The following AFAP1 variants were observed in gnomAD, a reference collection of about 807,000 sequenced individuals.
AFAP1 encodes actin filament associated protein 1.
Under a neutral mutation model 93.9 loss-of-function variants are expected in AFAP1, and 75 were observed. The ratio of observed to expected loss-of-function variants is 0.80; its 90% CI spans 0.66 to 0.97. The LOEUF (loss-of-function observed/expected upper bound fraction) is 0.97, where lower values mean the gene tolerates loss of function less well. AFAP1 is among the 50% of genes least tolerant of loss of function. The pLI is 0.00. For synonymous variants in AFAP1, 517 were observed against 430.7 expected (o/e 1.20, Z -2.48); for missense variants, 1,201 against 1,050.8 (o/e 1.14, Z -1.98).
chr4:7,880,960 A>T (rs1577330512), intron 1 of AFAP1, among the ~76,000 whole-genome samples: 1 of 152,028 alleles, frequency 6.6e-6, no homozygotes, highest in South Asian at 2.1e-4. Context: ...TGTGCAAAAC[A>T]CCTATTGCTA....
chr4:7,879,699 CT>C (rs552211338), intron 1 of AFAP1, among the ~76,000 whole-genome samples: 1,521 of 121,666 alleles, frequency 0.013, 15 homozygotes, highest in African/African-American at 0.041. Flanking sequence ...TGCTTGCTTG[CT>C]TTTTTTTTTT....
chr4:7,782,362 C>T (rs1004723779), intron 12 of AFAP1, among the ~76,000 whole-genome samples: 8 of 152,216 alleles, frequency 5.3e-5, no homozygotes, highest in African/African-American at 1.9e-4. Context: ...TGGGAACTGT[C>T]AACACAAACC....
At chr4:7,869,343 A>C (rs1336601268) in intron 2 of AFAP1, among the ~76,000 whole-genome samples, 1 of 152,254 alleles carries the variant, frequency 6.6e-6, no homozygotes, top group African/African-American at 2.4e-5. Context: ...CTGCACCTCA[A>C]AGGGAAAGCT....
chr4:7,797,630 T>A (rs1181848785), intron 10 of AFAP1, among the ~76,000 whole-genome samples: 1 of 152,186 alleles, frequency 6.6e-6, no homozygotes, highest in Non-Finnish European at 1.5e-5. Context: ...GGCAGCGGAC[T>A]ACAACACACA....
intron 6 of AFAP1, among the ~76,000 whole-genome samples, chr4:7,822,226 G>A (rs983089781): frequency 2.3e-4 from 35 of 152,188 alleles, no homozygotes; most frequent in African/African-American, 8.4e-4. Flanking sequence ...ACCCCAGGTG[G>A]ACCACTTGCT....
chr4:7,916,888 T>G (rs1471200715), intron 1 of AFAP1, among the ~76,000 whole-genome samples: 5 of 152,308 alleles, frequency 3.3e-5, no homozygotes, highest in African/African-American at 1.2e-4. Context: ...TCTAGCCCAG[T>G]GCATTTTCAG....
intron 15 of AFAP1, chr4:7,773,681 C>T (rs1429107873): frequency 6.6e-6 from 1 of 152,508 alleles, no homozygotes; most frequent in East Asian, 1.9e-4. Context: ...GGGAGAAATG[C>T]TACTTCTGTC....
intron 1 of AFAP1, among the ~76,000 whole-genome samples, chr4:7,894,486 A>G (rs28500712): frequency 0.71 from 107,783 of 152,072 alleles, 38,418 homozygotes; most frequent in Non-Finnish European, 0.74. Context: ...AGAGACGTAC[A>G]TGTCAAGACA....
In AFAP1 at chr4:7,800,397, C is replaced by T. The variant is rs372135063; in HGVS notation, c.1266+45G>A. 2.3e-4 allele frequency: 364 copies of T among 1,591,814 alleles called. 3 individuals carry two copies. In the South Asian group the frequency reaches 3.5e-3, roughly 15 times the overall value. ...ATTCGCCTTTTGAAAGGAAGATCAC[C>T]GCGTGTGTCCCTCTGTGGAGTACAG... On this transcript the variant is annotated intron_variant, in intron 10 of 17. Coordinates refer to ENST00000420658, the MANE Select transcript of AFAP1 (RefSeq NM_001134647.2).
At chr4:7,883,810 A>G (rs1717988437) in intron 1 of AFAP1, among the ~76,000 whole-genome samples, 1 of 152,374 alleles carries the variant, frequency 6.6e-6, no homozygotes, top group East Asian at 1.9e-4. Flanking sequence ...AAGATGAAGA[A>G]GTAAATGTGA....
At chr4:7,891,391 G>C (rs182610545) in intron 1 of AFAP1, among the ~76,000 whole-genome samples, 1 of 152,224 alleles carries the variant, frequency 6.6e-6, no homozygotes, top group Admixed American at 6.5e-5. Flanking sequence ...CCAAGGACCA[G>C]AGAGAAAACC....
intron 15 of AFAP1, chr4:7,773,836 A>G (rs1414699564): frequency 6.6e-6 from 1 of 152,534 alleles, no homozygotes; most frequent in Non-Finnish European, 1.5e-5. Flanking sequence ...CTAAACTCCA[A>G]AAGCATTTCC....
chr4:7,912,288 T>G lies in AFAP1; in HGVS notation c.-3+27368A>C, dbSNP rs115802655. Among the ~76,000 whole-genome samples, 752 of 152,356 alleles carry G rather than the reference T, an allele frequency of 4.9e-3. 4 individuals carry two copies. Among genetic ancestry groups the G allele is most frequent in the African/African-American group, 0.016 (652 of 41,576 alleles). Reference sequence around the variant, plus strand: ...ATACATATGGCTTTTGTGTGAAGGTTAAGTCTTCATTTCTCTGGGATAACT... The same window carrying G: ...ATACATATGGCTTTTGTGTGAAGGTGAAGTCTTCATTTCTCTGGGATAACT... On this transcript the variant is annotated intron_variant, in intron 1 of 17. Transcript: ENST00000420658.
chr4:7,766,595 C>T (rs544825800), intron 17 of AFAP1, among the ~76,000 whole-genome samples: 8 of 125,500 alleles, frequency 6.4e-5, no homozygotes, highest in Admixed American at 2.5e-4. Context: ...GACTGTGTCA[C>T]GGGAGGGAAA....
intron 6 of AFAP1, among the ~76,000 whole-genome samples, chr4:7,836,117 T>C (rs1007329651): frequency 2.0e-5 from 3 of 151,486 alleles, no homozygotes; most frequent in Non-Finnish European, 4.4e-5. Context: ...TCAAAGTGGA[T>C]CAAAAATCTA....
intron 17 of AFAP1, 106 bp downstream of exon 17, chr4:7,768,738 T>A: frequency 7.5e-7 from 1 of 1,341,558 alleles, no homozygotes; most frequent in Non-Finnish European, 9.8e-7. Flanking sequence ...GAGTGCCAAG[T>A]GGATGCAGTA....
intron 5 of AFAP1, among the ~76,000 whole-genome samples, chr4:7,841,501 G>T (rs79250728): frequency 0.01 from 1,582 of 152,314 alleles, 35 homozygotes; most frequent in African/African-American, 0.033. Context: ...GTTCCAGAAG[G>T]AGATGGAAAA....
At chr4:7,923,854 C>T (rs913928858) in intron 1 of AFAP1, among the ~76,000 whole-genome samples, 2 of 152,184 alleles carry the variant, frequency 1.3e-5, no homozygotes, top group African/African-American at 4.8e-5. Context: ...CCAAAGGTCC[C>T]ATCCCCTAAT....
At chr4:7,908,829 T>C (rs1366394569) in intron 1 of AFAP1, among the ~76,000 whole-genome samples, 1 of 152,184 alleles carries the variant, frequency 6.6e-6, no homozygotes, top group African/African-American at 2.4e-5. Context: ...CATAAGATCA[T>C]CTCCTCCAAA....
Sources: allele counts gnomAD v4.1 joint callset (sites outside exome capture counted in the v4.1 genomes callset), GRCh38; gene constraint gnomAD v4.1.1; transcripts MANE v1.5; gene names NCBI Gene and HGNC (gene_info 2026-07-23, HGNC 2026-07-21).